The following PCNT variants were observed in gnomAD, a reference collection of about 807,000 sequenced individuals.
PCNT encodes kendrin.
PCNT carries 319 observed loss-of-function variants against 380.4 expected under a neutral mutation model. That is an observed-to-expected ratio of 0.84 (90% CI 0.77 to 0.92). The LOEUF (loss-of-function observed/expected upper bound fraction) is 0.92, where lower values mean the gene tolerates loss of function less well. Among genes scored for constraint, PCNT ranks in the 40% least tolerant of loss-of-function variants. The pLI is 0.00. For missense variants in PCNT, 4,400 were observed against 4,255.3 expected (o/e 1.03, Z -0.95); for synonymous variants, 1,845 against 1,735.2 (o/e 1.06, Z -1.57).
At chr21:46,413,578 GT>G (rs973847231) in intron 29 of PCNT, among the ~76,000 whole-genome samples, 6 of 152,310 alleles carry the variant, frequency 3.9e-5, no homozygotes, top group South Asian at 2.1e-4. Context: ...AATCAGTTGG[GT>G]TTTTTTCTTG....
intron 12 of PCNT, 116 bp downstream of exon 12, chr21:46,355,742 GA>G (rs1258476709): frequency 9.9e-7 from 1 of 1,008,844 alleles, no homozygotes; most frequent in East Asian, 2.6e-5. Flanking sequence ...TGAGTGCTCC[GA>G]CCTCTTCTTC....
In PCNT at chr21:46,388,100, C is replaced by A. The variant is rs1024636388; in HGVS notation, c.3465-642C>A. 2.0e-5 allele frequency among the ~76,000 whole-genome samples: 3 copies of A among 152,040 alleles called. No individual in the cohort carries two copies. The highest frequency in any genetic ancestry group is 1.3e-4 in the Admixed American group (2 of 15,274). On this transcript the variant is annotated intron_variant, in intron 17 of 46. Coordinates refer to ENST00000359568, the MANE Select transcript of PCNT (RefSeq NM_006031.6). This position sits in a 1 kb window ranked among gnomAD's most constrained non-coding sequence, Gnocchi z 4.2. ...TGACAGACGCCTGTAGTCCCAGCTACTCGGGAGGCTGAGGCAGGAGAAAGG... is the reference window on the plus strand; with the variant it reads ...TGACAGACGCCTGTAGTCCCAGCTAATCGGGAGGCTGAGGCAGGAGAAAGG...
chr21:46,413,138 G>A, intron 29 of PCNT, 146 bp downstream of exon 29: 1 of 482,064 alleles, frequency 2.1e-6, no homozygotes, highest in Non-Finnish European at 3.8e-6. Flanking sequence ...AAGGCACGAG[G>A]CCCACCCGGG....
Position 46,435,683 on chromosome 21 carries a change from C to T in PCNT, c.8752-221C>T, listed in dbSNP as rs1196261774. Among the ~76,000 whole-genome samples, 3 of 152,086 alleles carry T rather than the reference C, an allele frequency of 2.0e-5. No individual in the cohort carries two copies. In the South Asian group the frequency reaches 6.2e-4, roughly 32 times the overall value. ...TCATCCTCTCGAGTAGCTGGGACTA[C>T]AGGCGCCCGCCACCACGCCCGGCTA... On this transcript the variant is annotated intron_variant, in intron 38 of 46. Coordinates refer to ENST00000359568, the MANE Select transcript of PCNT (RefSeq NM_006031.6).
At chr21:46,419,886 A>C (rs1022842598) in intron 31 of PCNT, among the ~76,000 whole-genome samples, 6 of 152,198 alleles carry the variant, frequency 3.9e-5, no homozygotes, top group African/African-American at 1.4e-4. Flanking sequence ...GATTACAGGC[A>C]TGAGCCACTG....
chr21:46,442,294 G>A (rs555608312), intron 43 of PCNT, among the ~76,000 whole-genome samples: 2 of 152,178 alleles, frequency 1.3e-5, no homozygotes, highest in South Asian at 2.1e-4. Flanking sequence ...GAAGGTCGCC[G>A]CCGCCGGCAG....
intron 14 of PCNT, among the ~76,000 whole-genome samples, chr21:46,364,150 C>T (rs945859892): frequency 3.3e-5 from 5 of 152,222 alleles, no homozygotes; most frequent in South Asian, 2.1e-4. Flanking sequence ...CATCCTGAAG[C>T]CCCCTGGCCG....
intron 30 of PCNT, 30 bp downstream of exon 30, chr21:46,416,869 T>G (rs889806337): frequency 6.3e-7 from 1 of 1,595,430 alleles, no homozygotes; most frequent in South Asian, 1.1e-5. Context: ...CCAGGCCTGC[T>G]GTTCCCGTGG....
At chr21:46,380,611 A>C (rs2085498675) in intron 15 of PCNT, among the ~76,000 whole-genome samples, 1 of 152,010 alleles carries the variant, frequency 6.6e-6, no homozygotes, top group African/African-American at 2.4e-5. Flanking sequence ...ACTGGTTTTC[A>C]GGGCTGTTAG....
At chr21:46,324,487 C>T (rs1008728897) in intron 1 of PCNT, among the ~76,000 whole-genome samples, 1 of 151,466 alleles carries the variant, frequency 6.6e-6, no homozygotes, top group African/African-American at 2.4e-5. Context: ...GTCCCGCCCC[C>T]GCCGCGGCCA....
intron 15 of PCNT, among the ~76,000 whole-genome samples, chr21:46,376,038 G>A (rs1569219543): frequency 1.3e-5 from 2 of 152,176 alleles, no homozygotes; most frequent in East Asian, 1.9e-4. Context: ...GGTGGGCTGC[G>A]TGCAGTGTTG....
At chr21:46,399,493 C>T in intron 24 of PCNT, 97 bp from the exon 25 acceptor site, 2 of 884,700 alleles carry the variant, frequency 2.3e-6, no homozygotes, top group Non-Finnish European at 3.7e-6. Context: ...CATAGGGCAT[C>T]TATTTTGTCT....
chr21:46,441,118 C>A, intron 43 of PCNT, 34 bp downstream of exon 43: 1 of 1,301,550 alleles, frequency 7.7e-7, no homozygotes, highest in Non-Finnish European at 1.1e-6. Flanking sequence ...GTGCGTTCCG[C>A]GTCTGTCTCC....
chr21:46,416,825 C>T lies in PCNT; in HGVS notation c.6907C>T (p.Gln2303Ter). The T allele has an allele frequency of 1.3e-6, 2 of 1,598,034 alleles. No homozygotes were observed. The highest frequency in any genetic ancestry group is 8.5e-7 in the Non-Finnish European group (1 of 1,179,688). Residue 2303 changes from glutamine to a stop codon, truncating the protein, a stop_gained, in exon 30 of 47, where the codon CAG becomes TAG. Transcript: ENST00000359568. LOFTEE classifies it high-confidence loss of function. ...TCCGCCGGCTGACGACCACCATGTG[C>T]AGAGGACGGCTGTGGTAGGTGCCTG... Reference protein sequence around the residue: ...ESPPADDHHVQRTAVEKDVED... With the variant: ...ESPPADDHHV
intron 36 of PCNT, 43 bp from the exon 37 acceptor site, chr21:46,430,464 T>A (rs936951718): frequency 2.0e-5 from 31 of 1,548,628 alleles, no homozygotes; most frequent in Middle Eastern, 2.2e-4. Flanking sequence ...GGGAACACAC[T>A]CTGGCCCACG....
Position 46,425,993 on chromosome 21 carries a change from C to T in PCNT, c.7320+22C>T, listed in dbSNP as rs920525493. 39 of 1,607,516 alleles carry T rather than the reference C, an allele frequency of 2.4e-5. No homozygotes were observed. Among genetic ancestry groups the T allele is most frequent in the Non-Finnish European group, 3.1e-5 (37 of 1,176,078 alleles). ...GCAGGTTTATTTTGCCCTTCACACA[C>T]TTCTTTTCCAAAGGATTTAAGGAGC... On this transcript the variant is annotated intron_variant, in intron 33 of 46. Coordinates refer to ENST00000359568, the MANE Select transcript of PCNT (RefSeq NM_006031.6). The surrounding 1 kb of genome is among the most constrained non-coding windows in gnomAD (Gnocchi z 4.2).
At chr21:46,347,952 A>G (rs752042665) in intron 6 of PCNT, among the ~76,000 whole-genome samples, 8 of 152,160 alleles carry the variant, frequency 5.3e-5, no homozygotes, top group African/African-American at 9.7e-5. Flanking sequence ...GACCACAGGT[A>G]GCAGTGCCCC....
intron 27 of PCNT, among the ~76,000 whole-genome samples, chr21:46,406,580 C>A (rs1203117467): frequency 6.6e-6 from 1 of 152,072 alleles, no homozygotes; most frequent in Admixed American, 6.6e-5. Context: ...TTATTTCTTT[C>A]CAATTTTTGT....
chr21:46,357,746 T>C (rs2084529207), intron 13 of PCNT, among the ~76,000 whole-genome samples: 1 of 152,164 alleles, frequency 6.6e-6, no homozygotes, highest in Non-Finnish European at 1.5e-5. Flanking sequence ...TCAAGATTTC[T>C]TAGGGAAACT....
Sources: gnomAD v4.1 joint callset for allele counts (sites outside exome capture counted in the v4.1 genomes callset) on GRCh38, gnomAD v4.1.1 for gene constraint, Gnocchi (gnomAD v3.1) non-coding constraint, MANE v1.5 for transcripts, NCBI Gene and HGNC (gene_info 2026-07-23, HGNC 2026-07-21) for gene names.